The following CLPB variants were observed in gnomAD, a reference collection of about 807,000 sequenced individuals.
CLPB encodes ClpB family mitochondrial disaggregase.
In CLPB, 40 loss-of-function variants were observed where a neutral mutation model predicts 78.4. The ratio of observed to expected loss-of-function variants is 0.51; its 90% CI spans 0.40 to 0.66. The LOEUF (loss-of-function observed/expected upper bound fraction) is 0.66, where lower values mean the gene tolerates loss of function less well. CLPB is among the 30% of genes least tolerant of loss of function. The pLI is 0.00. For synonymous variants in CLPB, 333 were observed against 348.0 expected (o/e 0.96, Z 0.48); for missense variants, 780 against 886.9 (o/e 0.88, Z 1.53).
At chr11:72,427,454 G>C (rs557285605) in intron 2 of CLPB, among the ~76,000 whole-genome samples, 1 of 152,274 alleles carries the variant, frequency 6.6e-6, no homozygotes, top group Admixed American at 6.5e-5. Flanking sequence ...ACAATGATGT[G>C]TTTGTTAACG....
chr11:72,400,805 G>A (rs562628351), intron 3 of CLPB, among the ~76,000 whole-genome samples: 1 of 152,262 alleles, frequency 6.6e-6, no homozygotes, highest in Admixed American at 6.5e-5. Flanking sequence ...CAAAGAATAT[G>A]GTGAGGATCT....
chr11:72,330,851 C>T (rs1165394467), intron 5 of CLPB, among the ~76,000 whole-genome samples: 1 of 152,084 alleles, frequency 6.6e-6, no homozygotes, highest in Non-Finnish European at 1.5e-5. Flanking sequence ...TCAGGAAGTA[C>T]TGTCTGAAGT....
At chr11:72,300,552 A>G (rs1482227704) in intron 11 of CLPB, among the ~76,000 whole-genome samples, 1 of 152,162 alleles carries the variant, frequency 6.6e-6, no homozygotes, top group Non-Finnish European at 1.5e-5. Flanking sequence ...GGCTAGGAAG[A>G]TACAACGGAA....
intron 3 of CLPB, among the ~76,000 whole-genome samples, chr11:72,398,519 C>T (rs546762637): frequency 3.3e-5 from 5 of 152,106 alleles, no homozygotes; most frequent in African/African-American, 7.2e-5. Context: ...TGCCTTCCAC[C>T]GTCTGTCCGT....
Position 72,297,702 on chromosome 11 carries a change from T to TGTGTGTGAGA in CLPB, c.1330-2055_1330-2054insTCTCACACAC, listed in dbSNP as rs1464583884. ...GTGTGTGTGTGTGTGTGTGTGTGTG[T>TGTGTGTGAGA]GACATGTCCAAGCATGTGCATATGA... On this transcript the variant is annotated intron_variant, in intron 11 of 15. Coordinates refer to ENST00000538039, the MANE Select transcript of CLPB (RefSeq NM_001258392.3). 7.7e-5 allele frequency among the ~76,000 whole-genome samples: 10 copies of TGTGTGTGAGA among 129,752 alleles called. 1 individual carries two copies. The highest frequency in any genetic ancestry group is 2.6e-4 in the South Asian group (1 of 3,884). 85.1% of individuals were successfully genotyped at this position (129,752 alleles called of 152,430 possible).
intron 3 of CLPB, among the ~76,000 whole-genome samples, chr11:72,385,130 C>T (rs1034152375): frequency 2.0e-5 from 3 of 152,188 alleles, no homozygotes; most frequent in African/African-American, 7.2e-5. Context: ...AAAGGTCTCC[C>T]CTTACATGCA....
chr11:72,349,154 T>A (rs1307625544), intron 5 of CLPB, among the ~76,000 whole-genome samples: 1 of 152,208 alleles, frequency 6.6e-6, no homozygotes, highest in Non-Finnish European at 1.5e-5. Flanking sequence ...AGTCTGAGAT[T>A]ATAGTCCAAT....
chr11:72,340,289 A>C (rs1405306716), intron 5 of CLPB, among the ~76,000 whole-genome samples: 1 of 152,154 alleles, frequency 6.6e-6, no homozygotes, highest in Non-Finnish European at 1.5e-5. Flanking sequence ...CTTTGGATGG[A>C]GGAGGTCGAT....
At chr11:72,409,404 C>A (rs986441896) in intron 2 of CLPB, among the ~76,000 whole-genome samples, 1 of 151,640 alleles carries the variant, frequency 6.6e-6, no homozygotes, top group Admixed American at 6.6e-5. Context: ...GCCAACAAGG[C>A]GAAACCCCAT....
chr11:72,340,505 G>T lies in CLPB; in HGVS notation c.776-10701C>A, dbSNP rs1045628578. 3.9e-5 allele frequency among the ~76,000 whole-genome samples: 6 copies of T among 152,310 alleles called. No homozygotes were observed. In the East Asian group the frequency reaches 1.2e-3, roughly 29 times the overall value. On this transcript the variant is annotated intron_variant, in intron 5 of 15. Coordinates refer to ENST00000538039, the MANE Select transcript of CLPB (RefSeq NM_001258392.3). ...TGTGTACAGCTGGGCATTAGGAGAT[G>T]AGACAAAATCCATACTTCTTGGCAT...
chr11:72,386,144 T>C (rs908437964), intron 3 of CLPB, among the ~76,000 whole-genome samples: 2 of 152,208 alleles, frequency 1.3e-5, no homozygotes, highest in Admixed American at 6.5e-5. Flanking sequence ...TAGAGTAGTT[T>C]TTTTCTTCTT....
chr11:72,294,727 AC>A (rs1401794509), intron 12 of CLPB, 34 bp from the exon 13 acceptor site: 1 of 1,574,306 alleles, frequency 6.4e-7, no homozygotes, highest in African/African-American at 1.3e-5. Context: ...CTTATTCCCC[AC>A]ATTCAGGGAA....
intron 6 of CLPB, among the ~76,000 whole-genome samples, chr11:72,328,576 G>A (rs965894624): frequency 1.3e-5 from 2 of 152,152 alleles, no homozygotes; most frequent in Admixed American, 1.3e-4. Flanking sequence ...CTAAGTGCTT[G>A]GACTCAAGAC....
chr11:72,314,194 G>A (rs1246547513), intron 7 of CLPB, among the ~76,000 whole-genome samples: 1 of 152,212 alleles, frequency 6.6e-6, no homozygotes, highest in Admixed American at 6.5e-5. Flanking sequence ...CCGAACACAT[G>A]AGGTGGCAGA....
At chr11:72,406,192 G>T (rs924999430) in intron 2 of CLPB, among the ~76,000 whole-genome samples, 1 of 152,142 alleles carries the variant, frequency 6.6e-6, no homozygotes, top group Non-Finnish European at 1.5e-5. Context: ...GAGGAGCTTG[G>T]GCAGGAAAAT....
At chr11:72,315,819 G>A (rs57669200) in intron 7 of CLPB, among the ~76,000 whole-genome samples, 15,130 of 152,144 alleles carry the variant, frequency 0.099, 1,318 homozygotes, top group African/African-American at 0.23. Flanking sequence ...AGGGAGGCCT[G>A]GCCTAGCCTC....
At chr11:72,301,318 A>G (rs922395708) in intron 11 of CLPB, among the ~76,000 whole-genome samples, 2 of 152,162 alleles carry the variant, frequency 1.3e-5, no homozygotes, top group Non-Finnish European at 2.9e-5. Flanking sequence ...TAGCAGCAAC[A>G]ATATTAGCAT....
At position 72,317,227 on chromosome 11, in the gene CLPB, G is replaced by T; in HGVS notation, c.874-7C>A. 1 of 1,600,880 alleles carries T rather than the reference G, an allele frequency of 6.2e-7. No homozygotes were observed. On this transcript the variant is annotated splice_polypyrimidine_tract_variant and splice_region_variant and intron_variant, in intron 6 of 15. Transcript: ENST00000538039. ...TCCGCTGCTTCTCTTGGTACTGTGG[G>T]GAGAGAGGGCAAATGGTTGAGGGCT...
intron 5 of CLPB, among the ~76,000 whole-genome samples, chr11:72,350,249 C>T (rs1328641497): frequency 1.4e-5 from 2 of 143,082 alleles, no homozygotes; most frequent in African/African-American, 5.9e-5. Context: ...CCACAGAACT[C>T]CTCCACTCCC....
Sources: allele counts gnomAD v4.1 joint callset (sites outside exome capture counted in the v4.1 genomes callset), GRCh38; gene constraint gnomAD v4.1.1; transcripts MANE v1.5; gene names NCBI Gene and HGNC (gene_info 2026-07-23, HGNC 2026-07-21).